The following ETV7 variants were observed in gnomAD, a reference collection of about 807,000 sequenced individuals.
ETV7 encodes transcription factor ETV7.
A neutral mutation model predicts 39.1 loss-of-function variants in ETV7; 43 were observed. That is an observed-to-expected ratio of 1.10 (90% CI 0.86 to 1.42). The LOEUF is 1.42. Ranked by LOEUF, ETV7 falls within the 40% of genes most tolerant of loss-of-function variation. The pLI is 0.00. For synonymous variants in ETV7, 196 were observed against 176.6 expected, an observed-to-expected ratio of 1.11 and a Z score of -0.87; for missense variants, 432 against 442.3, an observed-to-expected ratio of 0.98 and a Z score of 0.21.
At chr6:36,385,741 A>C in intron 1 of ETV7, 72 bp from the exon 2 acceptor site, 1 of 1,518,804 alleles carries the variant, frequency 6.6e-7, no homozygotes, top group Non-Finnish European at 8.8e-7. Flanking sequence ...TAAATGTCTT[A>C]AGAATTTTTT....
At chr6:36,377,832 C>T (rs532713551) in intron 2 of ETV7, among the ~76,000 whole-genome samples, 4 of 152,216 alleles carry the variant, frequency 2.6e-5, no homozygotes, top group East Asian at 3.9e-4. Flanking sequence ...GTCCTCCCGA[C>T]GGCACACAGG....
chr6:36,361,045 T>C (rs933867680), intron 7 of ETV7, among the ~76,000 whole-genome samples: 6 of 152,304 alleles, frequency 3.9e-5, no homozygotes, highest in African/African-American at 1.4e-4. Flanking sequence ...CTATTCCCCT[T>C]TGTTTACTCA....
At chr6:36,357,788 G>T (rs977372453) in intron 7 of ETV7, among the ~76,000 whole-genome samples, 2 of 152,182 alleles carry the variant, frequency 1.3e-5, no homozygotes, top group African/African-American at 2.4e-5. Context: ...TGAGGCATGA[G>T]AATCACTTGA....
chr6:36,376,169 G>T, intron 2 of ETV7, 134 bp from the exon 3 acceptor site: 1 of 708,154 alleles, frequency 1.4e-6, no homozygotes. Context: ...GCTGCCACCT[G>T]TTTCTTTCCT....
chr6:36,360,583 T>C (rs1399827402), intron 7 of ETV7, among the ~76,000 whole-genome samples: 1 of 151,856 alleles, frequency 6.6e-6, no homozygotes, highest in African/African-American at 2.4e-5. Context: ...AGAGTACACA[T>C]CTCCCCGTGA....
At chr6:36,370,806 G>A (rs186056747) in intron 5 of ETV7, among the ~76,000 whole-genome samples, 14 of 152,296 alleles carry the variant, frequency 9.2e-5, no homozygotes. Context: ...ATGCAGAGTG[G>A]AAGTGTATCA....
At chr6:36,358,687 G>A (rs945865991) in intron 7 of ETV7, among the ~76,000 whole-genome samples, 5 of 152,142 alleles carry the variant, frequency 3.3e-5, no homozygotes, top group African/African-American at 4.8e-5. Flanking sequence ...AGATTTGCAC[G>A]CCACGTTCAG....
intron 5 of ETV7, 108 bp from the exon 6 acceptor site, chr6:36,369,179 C>T: frequency 7.9e-7 from 1 of 1,269,522 alleles, no homozygotes; most frequent in Non-Finnish European, 1.1e-6. Context: ...CTAGGAGCAC[C>T]AGCAGGAAGG....
intron 6 of ETV7, among the ~76,000 whole-genome samples, chr6:36,367,248 GC>G (rs1169385852): frequency 2.0e-5 from 3 of 152,130 alleles, no homozygotes; most frequent in Non-Finnish European, 4.4e-5. Flanking sequence ...TTTGAGACCA[GC>G]CTGGCCAACA....
chr6:36,357,595 G>A (rs58238975), intron 7 of ETV7, among the ~76,000 whole-genome samples: 8,584 of 152,028 alleles, frequency 0.056, 306 homozygotes, highest in East Asian at 0.13. Flanking sequence ...ACACCTCCCC[G>A]GCCACGTGCG....
At chr6:36,373,611 G>T in intron 3 of ETV7, 33 bp from the exon 4 acceptor site, 1 of 1,521,680 alleles carries the variant, frequency 6.6e-7, no homozygotes, top group Non-Finnish European at 8.8e-7. Context: ...GCAGGCTGCT[G>T]AACAGGCCAC....
At chr6:36,365,150 G>A (rs7765257), downstream of ETV7, among the ~76,000 whole-genome samples, 29,549 of 152,098 alleles carry the variant, frequency 0.19, 3,088 homozygotes, top group Admixed American at 0.28. Flanking sequence ...ATATGAATCC[G>A]AGGAGTTCTA....
chr6:36,368,170 C>T (rs1423092227), intron 6 of ETV7, among the ~76,000 whole-genome samples: 1 of 152,182 alleles, frequency 6.6e-6, no homozygotes, highest in East Asian at 1.9e-4. Context: ...CTCACTGAGC[C>T]TCAGTCTCCA....
downstream of ETV7, among the ~76,000 whole-genome samples, chr6:36,364,722 G>A (rs1243251325): frequency 6.6e-6 from 1 of 152,224 alleles, no homozygotes; most frequent in Non-Finnish European, 1.5e-5. Context: ...TGCCGCCAAA[G>A]TGGGAGCCCA....
intron 7 of ETV7, among the ~76,000 whole-genome samples, chr6:36,355,231 T>C (rs1225568408): frequency 6.6e-6 from 1 of 152,194 alleles, no homozygotes; most frequent in East Asian, 1.9e-4. Flanking sequence ...TCACAGATGG[T>C]CTTGATCAGC....
intron 2 of ETV7, among the ~76,000 whole-genome samples, chr6:36,383,881 C>A (rs1381160644): frequency 1.3e-5 from 2 of 152,204 alleles, no homozygotes; most frequent in African/African-American, 2.4e-5. Context: ...ATAGGCCCTG[C>A]CTCTCACCTC....
chr6:36,380,867 C>A (rs1369889549), intron 2 of ETV7, among the ~76,000 whole-genome samples: 1 of 152,172 alleles, frequency 6.6e-6, no homozygotes, highest in Admixed American at 6.5e-5. Context: ...TTCTCCAGCC[C>A]CTGACTCCCA....
downstream of ETV7, among the ~76,000 whole-genome samples, chr6:36,364,376 G>A (rs912069830): frequency 2.0e-5 from 3 of 152,224 alleles, no homozygotes; most frequent in Non-Finnish European, 2.9e-5. Context: ...GCCCTGCCCC[G>A]CAGGAAGGCA....
chr6:36,380,737 C>T (rs1372507391), intron 2 of ETV7, among the ~76,000 whole-genome samples: 1 of 151,980 alleles, frequency 6.6e-6, no homozygotes. Context: ...TCACTGTGGT[C>T]TCTCCAGCCC....
Sources: gnomAD v4.1 joint callset for allele counts (sites outside exome capture counted in the v4.1 genomes callset) on GRCh38, gnomAD v4.1.1 for gene constraint, MANE v1.5 for transcripts, NCBI Gene and HGNC (gene_info 2026-07-23, HGNC 2026-07-21) for gene names.